GRID2: variants seen among roughly 807,000 people sequenced by gnomAD.
GRID2 encodes the protein glutamate receptor ionotropic, delta-2.
Under a neutral mutation model 114.8 loss-of-function variants are expected in GRID2, and 33 were observed. That is an observed-to-expected ratio of 0.29 (90% CI 0.22 to 0.38). GRID2 has a LOEUF of 0.38. Among genes scored for constraint, GRID2 ranks in the 10% least tolerant of loss-of-function variants. GRID2 has a pLI of 1.00. For synonymous variants in GRID2, 505 were observed against 449.9 expected, an observed-to-expected ratio of 1.12 and a Z score of -1.55; for missense variants, 1,184 against 1,257.7, an observed-to-expected ratio of 0.94 and a Z score of 0.89.
intron 13 of GRID2, among the ~76,000 whole-genome samples, chr4:93,550,710 C>T (rs1733674325): frequency 6.6e-6 from 1 of 152,052 alleles, no homozygotes; most frequent in South Asian, 2.1e-4. Flanking sequence ...AGATATATTC[C>T]AATATGTTGA....
intron 4 of GRID2, among the ~76,000 whole-genome samples, chr4:93,119,279 A>G (rs996236048): frequency 5.9e-5 from 9 of 152,228 alleles, no homozygotes; most frequent in Admixed American, 5.9e-4. Context: ...TGAAATGAAT[A>G]TAGTGAAACA....
intron 2 of GRID2, among the ~76,000 whole-genome samples, chr4:92,874,779 A>G (rs536709879): frequency 6.6e-6 from 1 of 152,206 alleles, no homozygotes; most frequent in African/African-American, 2.4e-5. Context: ...TCTAATTAAA[A>G]TTGTTGTCAA....
chr4:93,189,775 A>C (rs1278885800), intron 4 of GRID2, among the ~76,000 whole-genome samples: 2 of 5,336 alleles, frequency 3.7e-4, no homozygotes, highest in African/African-American at 5.5e-4. Context: ...ACACCACACC[A>C]CACACACACA....
intron 13 of GRID2, among the ~76,000 whole-genome samples, chr4:93,561,916 A>C (rs1446597346): frequency 6.6e-6 from 1 of 152,112 alleles, no homozygotes; most frequent in East Asian, 1.9e-4. Context: ...CAGTTTATTT[A>C]TCTATTAGCC....
intron 2 of GRID2, among the ~76,000 whole-genome samples, chr4:92,597,659 C>T (rs998523208): frequency 2.6e-5 from 4 of 152,150 alleles, no homozygotes; most frequent in Non-Finnish European, 5.9e-5. Flanking sequence ...CTAATAATAG[C>T]ACATCACTTT....
chr4:93,775,555 C>T (rs1370999854), downstream of GRID2, among the ~76,000 whole-genome samples: 9 of 152,312 alleles, frequency 5.9e-5, no homozygotes, highest in East Asian at 1.7e-3. Flanking sequence ...AAACTAAGGT[C>T]GGTTCCTGTT....
chr4:93,757,938 CAG>C (rs1732892207), intron 14 of GRID2, among the ~76,000 whole-genome samples: 1 of 152,096 alleles, frequency 6.6e-6, no homozygotes, highest in African/African-American at 2.4e-5. Flanking sequence ...GCCTGGGAAA[CAG>C]GGCGAGACTC....
chr4:92,536,790 C>T (rs1725657816), intron 1 of GRID2, among the ~76,000 whole-genome samples: 1 of 152,060 alleles, frequency 6.6e-6, no homozygotes, highest in African/African-American at 2.4e-5. Context: ...GCAATAAATG[C>T]CCCCAAGAAT....
chr4:93,553,990 C>T (rs966414948), intron 13 of GRID2, among the ~76,000 whole-genome samples: 6 of 152,054 alleles, frequency 3.9e-5, no homozygotes, highest in African/African-American at 1.4e-4. Context: ...ATACAAATTC[C>T]TGAAATATTA....
intron 1 of GRID2, among the ~76,000 whole-genome samples, chr4:92,517,413 A>G (rs1724550602): frequency 6.6e-6 from 1 of 151,930 alleles, no homozygotes; most frequent in Non-Finnish European, 1.5e-5. Flanking sequence ...AAGTGTTCAT[A>G]CCTTTGAGGA....
intron 14 of GRID2, among the ~76,000 whole-genome samples, chr4:93,669,346 A>C (rs994109739): frequency 6.6e-6 from 1 of 152,096 alleles, no homozygotes; most frequent in Non-Finnish European, 1.5e-5. Context: ...GGTGGCAAAC[A>C]TATGTGTTAC....
At chr4:92,568,472 A>G (rs2149189498) in intron 1 of GRID2, among the ~76,000 whole-genome samples, 1 of 152,018 alleles carries the variant, frequency 6.6e-6, no homozygotes, top group South Asian at 2.1e-4. Flanking sequence ...ATTCTTCTGA[A>G]GTTTCTGAAT....
chr4:92,501,332 A>C (rs2149123348), intron 1 of GRID2, among the ~76,000 whole-genome samples: 1 of 152,268 alleles, frequency 6.6e-6, no homozygotes, highest in South Asian at 2.1e-4. Context: ...TCAATTCCAC[A>C]TTCGTTGAAC....
chr4:92,594,803 A>G (rs1357426448), intron 2 of GRID2, among the ~76,000 whole-genome samples: 1 of 152,038 alleles, frequency 6.6e-6, no homozygotes, highest in Admixed American at 6.6e-5. Flanking sequence ...AACATTTAGC[A>G]TAAATGTACA....
rs554532067 is a variant in GRID2 at position 93,658,830 on chromosome 4, G to C, written c.2360+32395G>C. On this transcript the variant is annotated intron_variant, in intron 14 of 15. Transcript: ENST00000282020. ...TCTCCAGCGAATAGTTTTTATATAG[G>C]GAAACTGAACGAAGCAACTGAAAAA... Among the ~76,000 whole-genome samples the C allele has an allele frequency of 7.2e-5, 11 of 152,204 alleles. No homozygotes were observed. The East Asian group carries it at 1.5e-3, about 21-fold the overall frequency.
At chr4:92,999,528 T>G (rs1234117788) in intron 2 of GRID2, among the ~76,000 whole-genome samples, 3 of 151,730 alleles carry the variant, frequency 2.0e-5, no homozygotes, top group Non-Finnish European at 4.4e-5. Flanking sequence ...AGTTGCTATA[T>G]CTTATATTTT....
intron 14 of GRID2, among the ~76,000 whole-genome samples, chr4:93,718,615 A>C (rs1406971482): frequency 6.6e-6 from 1 of 152,208 alleles, no homozygotes; most frequent in African/African-American, 2.4e-5. Flanking sequence ...TACTCAGTAA[A>C]TACTTATTGA....
chr4:93,544,725 C>A (rs919504436), intron 13 of GRID2, among the ~76,000 whole-genome samples: 1 of 147,642 alleles, frequency 6.8e-6, no homozygotes, highest in Non-Finnish European at 1.5e-5. Context: ...TGCAGTGAGT[C>A]GAGATCACAC....
intron 3 of GRID2, among the ~76,000 whole-genome samples, chr4:93,108,286 T>C (rs1475867671): frequency 6.6e-6 from 1 of 152,224 alleles, no homozygotes; most frequent in Non-Finnish European, 1.5e-5. Flanking sequence ...ACTTGTTTAT[T>C]GTCTGTTTTA....
Sources: allele counts gnomAD v4.1 joint callset (sites outside exome capture counted in the v4.1 genomes callset), GRCh38; gene constraint gnomAD v4.1.1; transcripts MANE v1.5; gene names NCBI Gene and HGNC (gene_info 2026-07-23, HGNC 2026-07-21).